Variants in SHLD2 observed in about 807,000 individuals in gnomAD.
SHLD2 encodes shieldin complex subunit 2.
In SHLD2, 30 loss-of-function variants were observed where a neutral mutation model predicts 73.2. The observed-to-expected ratio is 0.41, with a 90% CI of 0.31 to 0.56. SHLD2 has a LOEUF of 0.56. SHLD2 is among the 20% of genes least tolerant of loss of function. SHLD2 has a pLI of 0.28. For missense variants in SHLD2, 745 were observed against 1,055.9 expected (o/e 0.71, Z 4.08); for synonymous variants, 285 against 370.1 (o/e 0.77, Z 2.64).
At chr10:87,161,773 TA>T (rs1241073299) in intron 4 of SHLD2, among the ~76,000 whole-genome samples, 5 of 152,112 alleles carry the variant, frequency 3.3e-5, no homozygotes, top group Non-Finnish European at 7.3e-5. Context: ...CTAAAGCTCA[TA>T]GGGGAAAACA....
intron 9 of SHLD2, among the ~76,000 whole-genome samples, chr10:87,188,905 C>T (rs1188815944): frequency 2.0e-5 from 3 of 152,134 alleles, no homozygotes; most frequent in East Asian, 1.9e-4. Context: ...AGCCTCTCTC[C>T]GTTTTTTTCC....
chr10:87,180,118 T>C lies in SHLD2; in HGVS notation c.2214T>C (p.Pro738=), dbSNP rs1848208649. ...CCCAGATTTCAGAGCTGGCATTTCCTATTACAGCATCTCAGAAGATAGCGC... is the reference window on the plus strand; with the variant it reads ...CCCAGATTTCAGAGCTGGCATTTCCCATTACAGCATCTCAGAAGATAGCGC... ...IKAQISELAF[P]ITASQKIALN... Residue 738 remains proline (P), a synonymous_variant, in exon 8 of 10, where the codon CCT becomes CCC. Coordinates refer to ENST00000298786, the MANE Select transcript of SHLD2 (RefSeq NM_001330112.2). 3.7e-6 allele frequency: 6 copies of C among 1,613,916 alleles called. No individual in the cohort carries two copies. Among genetic ancestry groups the C allele is most frequent in the Non-Finnish European group, 4.2e-6 (5 of 1,179,836 alleles).
intron 8 of SHLD2, among the ~76,000 whole-genome samples, chr10:87,183,907 G>A (rs1473642602): frequency 3.9e-5 from 6 of 152,076 alleles, no homozygotes; most frequent in African/African-American, 9.7e-5. Flanking sequence ...TCTCGTCTGC[G>A]TCCTTCCTCT....
intron 2 of SHLD2, among the ~76,000 whole-genome samples, chr10:87,134,677 G>A (rs549461607): frequency 6.6e-6 from 1 of 152,346 alleles, no homozygotes; most frequent in South Asian, 2.1e-4. Context: ...ATTGCTGAGA[G>A]AAATCCAGCA....
At chr10:87,127,541 C>CCG (rs1554829076) in intron 2 of SHLD2, among the ~76,000 whole-genome samples, 2,545 of 81,712 alleles carry the variant, frequency 0.031, 116 homozygotes, top group Non-Finnish European at 0.047. Flanking sequence ...CCCCCCCCAC[C>CCG]CCGTCTGCCA....
At chr10:87,114,330 G>A (rs1843111309) in intron 2 of SHLD2, 1 of 152,196 alleles carries the variant, frequency 6.6e-6, no homozygotes, top group Non-Finnish European at 1.5e-5. Context: ...TTAGCCAAAA[G>A]GCTGAGAAAG....
chr10:87,110,967 C>T (rs999962624), intron 2 of SHLD2, among the ~76,000 whole-genome samples: 3 of 151,326 alleles, frequency 2.0e-5, no homozygotes, highest in Non-Finnish European at 4.4e-5. Flanking sequence ...CCTCAGTCTC[C>T]CAAGTAGCTG....
Position 87,190,557 on chromosome 10 carries a change from A to G in SHLD2, c.2589A>G (p.Glu863=). ...ACTCCTTGTTGGCAGTCAGCGCAGA[A>G]CCTTGTGTATTAAAGATTCAGAGCC... ...LFHSLLAVSA[E]PCVLKIQSLF... The change falls in exon 10 of 10, where the codon GAA becomes GAG. Residue 863 remains glutamate (E), a synonymous_variant. Transcript: ENST00000298786. The G allele has an allele frequency of 6.2e-7, 1 of 1,611,928 alleles. No homozygotes were observed.
rs137989844 is a variant in SHLD2, at chr10:87,151,707, C to G, written c.353C>G (p.Ser118Cys). ...HSSRLSDITSSNMQICGFKST... is the reference protein window; with the variant it reads ...HSSRLSDITSCNMQICGFKST... ...TCTAGACTGAGTGATATAACTAGCT[C>G]TAATATGCAAATATGTGGATTTAAA... The change falls in exon 3 of 10, where the codon TCT (serine) becomes TGT (cysteine). Residue 118 changes from serine to cysteine, a missense_variant. Physicochemically the swap from Ser to Cys is moderately radical, Grantham distance 112. Coordinates refer to ENST00000298786, the MANE Select transcript of SHLD2 (RefSeq NM_001330112.2). 60 of 1,611,794 alleles carry G rather than the reference C, an allele frequency of 3.7e-5. No homozygotes were observed. The highest frequency in any genetic ancestry group is 3.0e-4 in the Admixed American group (18 of 59,988).
chr10:87,111,006 G>T (rs1247080653), intron 2 of SHLD2, among the ~76,000 whole-genome samples: 1 of 151,752 alleles, frequency 6.6e-6, no homozygotes, highest in East Asian at 2.0e-4. Context: ...ACCACGCCTG[G>T]CTAATTTTTG....
intron 2 of SHLD2, among the ~76,000 whole-genome samples, chr10:87,125,851 C>T (rs1390868453): frequency 2.6e-5 from 4 of 152,056 alleles, no homozygotes; most frequent in African/African-American, 4.8e-5. Context: ...CGCTTGAACC[C>T]GGGAGGCGGA....
chr10:87,151,795 T>TA lies in SHLD2; in HGVS notation c.442dup (p.Arg148LysfsTer3). 6.2e-7 allele frequency: 1 copy of TA among 1,611,934 alleles called. No individual in the cohort carries two copies. The highest frequency in any genetic ancestry group is 8.5e-7 in the Non-Finnish European group (1 of 1,179,832). ...AAAAGCTTCTCAGTGAAAATAAAATTAGAGATGAACAGCCTAAACATCAGC... is the reference window on the plus strand; with the variant it reads ...AAAAGCTTCTCAGTGAAAATAAAATTAAGAGATGAACAGCCTAAACATCAGC... On this transcript the variant is annotated frameshift_variant, in exon 3 of 10. Transcript: ENST00000298786. LOFTEE classifies it high-confidence loss of function.
chr10:87,190,125 C>G (rs1420846436), intron 9 of SHLD2, among the ~76,000 whole-genome samples: 1 of 152,238 alleles, frequency 6.6e-6, no homozygotes, highest in Non-Finnish European at 1.5e-5. Flanking sequence ...GTGGCACAAT[C>G]TCAGCTCATT....
intron 2 of SHLD2, among the ~76,000 whole-genome samples, chr10:87,147,182 T>C (rs563909866): frequency 6.6e-6 from 1 of 152,210 alleles, no homozygotes; most frequent in Admixed American, 6.5e-5. Flanking sequence ...TTCATGTTGA[T>C]TCTACTGTGA....
intron 4 of SHLD2, among the ~76,000 whole-genome samples, chr10:87,165,083 A>G (rs963886616): frequency 3.9e-5 from 6 of 152,080 alleles, no homozygotes; most frequent in African/African-American, 1.4e-4. Context: ...GCTATTCGGG[A>G]GGCTGAGGTG....
chr10:87,161,840 A>G (rs1048749902), intron 4 of SHLD2, among the ~76,000 whole-genome samples: 5 of 152,042 alleles, frequency 3.3e-5, no homozygotes, highest in African/African-American at 1.2e-4. Context: ...GAGGAGGGGA[A>G]CTAGCTTTAC....
At chr10:87,147,798 G>C (rs534949190) in intron 2 of SHLD2, among the ~76,000 whole-genome samples, 1 of 152,034 alleles carries the variant, frequency 6.6e-6, no homozygotes, top group Non-Finnish European at 1.5e-5. Flanking sequence ...TTCCACATTG[G>C]TTGAACTGCC....
rs757565723 is a variant in SHLD2 at position 87,152,737 on chromosome 10, C to T, written c.1383C>T (p.Phe461=). Residue 461 remains phenylalanine, a synonymous_variant, in exon 3 of 10, where the codon TTC becomes TTT. Coordinates refer to ENST00000298786, the MANE Select transcript of SHLD2 (RefSeq NM_001330112.2). ...ATGTGAAGGAAATAAACATAAAATT[C>T]GGACCAAATTCTGGCTCTAAAGTGC... ...PCHVKEINIK[F]GPNSGSKVPL... The T allele has an allele frequency of 4.3e-6, 7 of 1,611,806 alleles. No homozygotes were observed. The highest frequency in any genetic ancestry group is 1.7e-5 in the Admixed American group (1 of 59,980).
At chr10:87,139,753 A>G (rs1286921588) in intron 2 of SHLD2, among the ~76,000 whole-genome samples, 1 of 152,152 alleles carries the variant, frequency 6.6e-6, no homozygotes, top group African/African-American at 2.4e-5. Context: ...TGAACCTGGG[A>G]GGCAGAGGTT....
Sources: gnomAD v4.1 joint callset for allele counts (sites outside exome capture counted in the v4.1 genomes callset) on GRCh38, gnomAD v4.1.1 for gene constraint, MANE v1.5 for transcripts, NCBI Gene and HGNC (gene_info 2026-07-23, HGNC 2026-07-21) for gene names.